The following DEGS2 variants were observed in gnomAD, a reference collection of about 807,000 sequenced individuals.
DEGS2 encodes sphingolipid delta(4)-desaturase/C4-monooxygenase DES2.
A neutral mutation model predicts 23.8 loss-of-function variants in DEGS2; 19 were observed. The ratio of observed to expected loss-of-function variants is 0.80; its 90% confidence interval spans 0.56 to 1.17. The LOEUF (loss-of-function observed/expected upper bound fraction) is 1.17, where lower values mean the gene tolerates loss of function less well. DEGS2 is among the 50% of genes most tolerant of loss of function. The probability of loss-of-function intolerance (pLI) is 0.00; values close to 1 mark genes in which losing one functional copy is unlikely to be tolerated. For synonymous variants in DEGS2, 218 were observed against 213.7 expected (o/e 1.02, Z -0.18); for missense variants, 390 against 459.5 (o/e 0.85, Z 1.38).
chr14:100,161,485 T>A (rs1889745597), upstream of DEGS2, among the ~76,000 whole-genome samples: 1 of 152,148 alleles, frequency 6.6e-6, no homozygotes, highest in African/African-American at 2.4e-5. Context: ...GAGCACATAC[T>A]GTTGCGTCCC....
At chr14:100,163,559 G>A (rs189083828), upstream of DEGS2, among the ~76,000 whole-genome samples, 254 of 152,314 alleles carry the variant, frequency 1.7e-3, 3 homozygotes, top group African/African-American at 5.6e-3. Flanking sequence ...TAGCCAGACT[G>A]CTAGGAAAGG....
intron 2 of DEGS2, among the ~76,000 whole-genome samples, chr14:100,147,361 G>A (rs533806458): frequency 9.9e-5 from 15 of 152,246 alleles, no homozygotes; most frequent in African/African-American, 3.4e-4. Flanking sequence ...CTCCCGCAGC[G>A]CCTGCGCAGT....
intron 1 of DEGS2, among the ~76,000 whole-genome samples, chr14:100,154,921 TC>T (rs1472850186): frequency 5.9e-5 from 9 of 152,006 alleles, no homozygotes; most frequent in African/African-American, 2.2e-4. Flanking sequence ...GGCAATAAAG[TC>T]ACTTTTGTCT....
upstream of DEGS2, among the ~76,000 whole-genome samples, chr14:100,164,472 C>T (rs994387599): frequency 6.6e-6 from 1 of 151,986 alleles, no homozygotes; most frequent in Non-Finnish European, 1.5e-5. Context: ...CCCGTCTCTA[C>T]TAAAAATACA....
chr14:100,163,214 G>A (rs1006089061), upstream of DEGS2, among the ~76,000 whole-genome samples: 2 of 152,098 alleles, frequency 1.3e-5, no homozygotes, highest in African/African-American at 4.8e-5. Context: ...TGCCGAGGCG[G>A]GTGGATTATC....
chr14:100,160,828 C>A (rs1889737883), upstream of DEGS2, among the ~76,000 whole-genome samples: 2 of 152,212 alleles, frequency 1.3e-5, no homozygotes, highest in South Asian at 4.1e-4. Context: ...CAGCCACCAT[C>A]CCCTGAATTA....
chr14:100,148,610 G>A (rs1158424535), intron 2 of DEGS2, among the ~76,000 whole-genome samples: 3 of 152,252 alleles, frequency 2.0e-5, no homozygotes, highest in Non-Finnish European at 4.4e-5. Context: ...CAATGACAAG[G>A]AATGAGCAGG....
At chr14:100,152,971 G>A (rs1456248823) in intron 1 of DEGS2, among the ~76,000 whole-genome samples, 3 of 152,094 alleles carry the variant, frequency 2.0e-5, no homozygotes, top group Non-Finnish European at 2.9e-5. Flanking sequence ...TCGATATATC[G>A]ATTGATCCAG....
chr14:100,164,719 G>A, the DEGS2 span, among the ~76,000 whole-genome samples: 7 of 152,222 alleles, frequency 4.6e-5, no homozygotes, highest in Admixed American at 6.5e-5. Flanking sequence ...TCTTCAGACC[G>A]AAAGGCTTAA....
At position 100,153,310 on chromosome 14, in the gene DEGS2, A is replaced by ATG. The variant is rs200633214; in HGVS notation, c.83-3602_83-3601dup. 3.6e-4 allele frequency among the ~76,000 whole-genome samples: 54 copies of ATG among 150,912 alleles called. 2 individuals are homozygous for ATG. Among genetic ancestry groups the ATG allele is most frequent in the African/African-American group, 1.3e-3 (53 of 41,146 alleles). ...AGATAGATAGATAGATAGATAATAGATGTGAGAGATAGATACATAGATCCT... is the reference window on the plus strand; with the variant it reads ...AGATAGATAGATAGATAGATAATAGATGTGTGAGAGATAGATACATAGATCCT... On this transcript the variant is annotated intron_variant, in intron 1 of 2. Coordinates refer to ENST00000305631, the MANE Select transcript of DEGS2 (RefSeq NM_206918.3).
rs990611539 is a variant in DEGS2 at position 100,144,738 on chromosome 14, C to T, written c.*2023G>A. On this transcript the variant is annotated 3_prime_UTR_variant, in exon 3 of 3. Coordinates refer to ENST00000305631, the MANE Select transcript of DEGS2 (RefSeq NM_206918.3). Reference sequence around the variant, plus strand: ...CTCAGCTTCAAGGAACCAGGGCCACCAACAGGCAGGCCTTGAGATCCTGTG... The same window carrying T: ...CTCAGCTTCAAGGAACCAGGGCCACTAACAGGCAGGCCTTGAGATCCTGTG... The T allele has an allele frequency of 6.6e-6, 1 of 152,420 alleles. No homozygotes were observed. The highest frequency in any genetic ancestry group is 2.4e-5 in the African/African-American group (1 of 41,468). The allele number at this position is 152,420 out of a possible 1,614,324, so 9.4% of individuals were successfully genotyped here.
rs778863717 is a variant in DEGS2 at position 100,150,387 on chromosome 14, A to ACCC, written c.83-680_83-678dup. On this transcript the variant is annotated intron_variant, in intron 1 of 2. Coordinates refer to ENST00000305631, the MANE Select transcript of DEGS2 (RefSeq NM_206918.3). Reference sequence around the variant, plus strand: ...GCTCCAGCCCCACTCCCACCCCAACACCCCCCCCCGCCCCGCCCCCATTCC... The same window carrying ACCC: ...GCTCCAGCCCCACTCCCACCCCAACACCCCCCCCCCCCGCCCCGCCCCCATTCC... 4.3e-3 allele frequency among the ~76,000 whole-genome samples: 394 copies of ACCC among 92,222 alleles called. 2 individuals are homozygous for ACCC. The highest frequency in any genetic ancestry group is 4.9e-3 in the Non-Finnish European group (230 of 46,568). The allele number at this position is 92,222 out of a possible 152,430, so 60.5% of individuals were successfully genotyped here.
Position 100,146,643 on chromosome 14 carries a change from C to T in DEGS2, c.*118G>A. On this transcript the variant is annotated 3_prime_UTR_variant, in exon 3 of 3. Transcript: ENST00000305631. ...GCCAGGTGTGGCTGCGCGGGACACT[C>T]CTCGGGGACAAGGGCAGCAGTCCAG... 1 of 1,444,338 alleles carries T rather than the reference C, an allele frequency of 6.9e-7. No individual in the cohort carries two copies. The highest frequency in any genetic ancestry group is 9.3e-7 in the Non-Finnish European group (1 of 1,073,618). The allele number at this position is 1,444,338 out of a possible 1,614,324, so 89.5% of individuals were successfully genotyped here. A position where few individuals can be genotyped will look rare whatever the true frequency, so the allele number is the denominator to read the frequency against.
At chr14:100,148,112 C>T (rs923727656) in intron 2 of DEGS2, among the ~76,000 whole-genome samples, 5 of 152,160 alleles carry the variant, frequency 3.3e-5, no homozygotes, top group Non-Finnish European at 7.4e-5. Flanking sequence ...ACAGTGCACA[C>T]GCATACAGGG....
At chr14:100,151,376 T>G (rs1479379444) in intron 1 of DEGS2, among the ~76,000 whole-genome samples, 1 of 152,040 alleles carries the variant, frequency 6.6e-6, no homozygotes, top group East Asian at 1.9e-4. Flanking sequence ...CAACTGGAAG[T>G]AACTAAAAAC....
chr14:100,155,893 C>T (rs567066422), intron 1 of DEGS2, among the ~76,000 whole-genome samples: 1 of 152,258 alleles, frequency 6.6e-6, no homozygotes, highest in Admixed American at 6.5e-5. Flanking sequence ...GAGCTTGCCT[C>T]TTACTCCACC....
chr14:100,152,145 G>A (rs937210499), intron 1 of DEGS2, among the ~76,000 whole-genome samples: 29 of 152,148 alleles, frequency 1.9e-4, no homozygotes, highest in Admixed American at 1.4e-3. Context: ...GAGCCATTCC[G>A]GCACAGCCCG....
rs971014176 is a variant in DEGS2, at chr14:100,145,442, TGGGAGGCCGGCGCTGTGC to T, written c.*1301_*1318del. 2.0e-5 allele frequency: 3 copies of T among 152,276 alleles called. No individual in the cohort carries two copies. Among genetic ancestry groups the T allele is most frequent in the Admixed American group, 1.3e-4 (2 of 15,284 alleles). 9.4% of individuals were successfully genotyped at this position (152,276 alleles called of 1,614,324 possible). On this transcript the variant is annotated 3_prime_UTR_variant, in exon 3 of 3. Transcript: ENST00000305631. ...ACTCAGCAGGCTGCCCACTCGGACATGGGAGGCCGGCGCTGTGCGGGGCCACTCCCAGGTATAGGGGGA... is the reference window on the plus strand; with the variant it reads ...ACTCAGCAGGCTGCCCACTCGGACATGGGGCCACTCCCAGGTATAGGGGGA...
At chr14:100,158,086 CAAAAAA>C (rs55666851) in intron 1 of DEGS2, among the ~76,000 whole-genome samples, 7 of 97,990 alleles carry the variant, frequency 7.1e-5, no homozygotes, top group Admixed American at 1.1e-4. Flanking sequence ...GACTTCCTCT[CAAAAAA>C]AAAAAAAAAA....
Sources: allele counts gnomAD v4.1 joint callset (sites outside exome capture counted in the v4.1 genomes callset), GRCh38; gene constraint gnomAD v4.1.1; transcripts MANE v1.5; gene names NCBI Gene and HGNC (gene_info 2026-07-23, HGNC 2026-07-21).